The following CHMP5 variants were observed in gnomAD, a reference collection of about 807,000 sequenced individuals.
CHMP5 encodes charged multivesicular body protein 5, also known as SNF7 domain containing 2.
Under a neutral mutation model 33.0 loss-of-function variants are expected in CHMP5, and 17 were observed. That is an observed-to-expected ratio of 0.52 (90% CI 0.35 to 0.77). The LOEUF (loss-of-function observed/expected upper bound fraction) is 0.77. Among genes scored for constraint, CHMP5 ranks in the 30% least tolerant of loss-of-function variants. The pLI is 0.01. For missense variants in CHMP5, 216 were observed against 261.5 expected (o/e 0.83, Z 1.20); for synonymous variants, 76 against 90.2 (o/e 0.84, Z 0.89).
At chr9:33,280,197 G>C (rs867320982) in intron 7 of CHMP5, among the ~76,000 whole-genome samples, 1 of 152,000 alleles carries the variant, frequency 6.6e-6, no homozygotes, top group African/African-American at 2.4e-5. Context: ...GGCTGGCCTC[G>C]AACTCCTGAC....
chr9:33,267,723 C>T, intron 2 of CHMP5, 130 bp from the exon 3 acceptor site: 1 of 647,988 alleles, frequency 1.5e-6, no homozygotes, highest in East Asian at 2.8e-5. Context: ...AGTACAGAAT[C>T]CAGGAGCCAT....
chr9:33,272,671 G>C (rs930458894), intron 5 of CHMP5, among the ~76,000 whole-genome samples: 36 of 152,098 alleles, frequency 2.4e-4, no homozygotes, highest in Non-Finnish European at 5.9e-5. Context: ...GAGCATGGTG[G>C]TGTGTGCCTG....
chr9:33,276,971 G>A (rs1217092357), intron 6 of CHMP5, among the ~76,000 whole-genome samples: 1 of 152,040 alleles, frequency 6.6e-6, no homozygotes, highest in Non-Finnish European at 1.5e-5. Context: ...AAGGTAGGCG[G>A]ATCCACTCAA....
chr9:33,278,088 T>A (rs750645972), intron 6 of CHMP5, 25 bp from the exon 7 acceptor site: 12 of 1,464,324 alleles, frequency 8.2e-6, no homozygotes, highest in African/African-American at 2.8e-5. Flanking sequence ...ACATTTTTTT[T>A]AAATGTTGAC....
intron 2 of CHMP5, 43 bp from the exon 3 acceptor site, chr9:33,267,810 G>C: frequency 7.3e-7 from 1 of 1,369,870 alleles, no homozygotes; most frequent in Non-Finnish European, 1.0e-6. Flanking sequence ...TACCGTATAT[G>C]TGTTTTCCAC....
At chr9:33,267,991 C>A in intron 3 of CHMP5, 92 bp downstream of exon 3, 1 of 859,324 alleles carries the variant, frequency 1.2e-6, no homozygotes, top group Non-Finnish European at 1.9e-6. Flanking sequence ...ATTTTCTAAG[C>A]ACTCTTGATT....
At position 33,265,224 on chromosome 9, in the gene CHMP5, A is replaced by G. The variant is rs1247508639; in HGVS notation, c.69+77A>G. On this transcript the variant is annotated intron_variant, in intron 1 of 7. Coordinates refer to ENST00000223500, the MANE Select transcript of CHMP5 (RefSeq NM_016410.6). ...CCCGCCCACCCCCAGCCCCGGGCCC[A>G]TATTCTTCCACTTCATTTCGGGTCC... The G allele has an allele frequency of 7.8e-6, 9 of 1,155,578 alleles. No homozygotes were observed. The African/African-American group carries it at 1.3e-4, about 17-fold the overall frequency. The allele number at this position is 1,155,578 out of a possible 1,614,324, so 71.6% of individuals were successfully genotyped here. A position where few individuals can be genotyped will look rare whatever the true frequency, so the allele number is the denominator to read the frequency against.
At chr9:33,275,613 G>A (rs1185128399) in intron 5 of CHMP5, among the ~76,000 whole-genome samples, 1 of 152,192 alleles carries the variant, frequency 6.6e-6, no homozygotes, top group African/African-American at 2.4e-5. Flanking sequence ...TTTAGATCAA[G>A]ATAATTGCTT....
intron 7 of CHMP5, among the ~76,000 whole-genome samples, chr9:33,280,142 A>C (rs890063206): frequency 1.6e-4 from 24 of 151,960 alleles, no homozygotes; most frequent in African/African-American, 5.3e-4. Flanking sequence ...ACACCTGGCT[A>C]ATTTTTTTGT....
chr9:33,276,586 G>T (rs1681949380), intron 6 of CHMP5, 22 bp downstream of exon 6: 1 of 1,367,844 alleles, frequency 7.3e-7, no homozygotes, highest in African/African-American at 1.4e-5. Flanking sequence ...GAAAAGTAAT[G>T]TATATTTAGT....
chr9:33,275,557 G>C (rs1361032698), intron 5 of CHMP5, among the ~76,000 whole-genome samples: 2 of 152,168 alleles, frequency 1.3e-5, no homozygotes, highest in Non-Finnish European at 2.9e-5. Context: ...TAATTTGCTT[G>C]TCTCAGTAAC....
chr9:33,269,803 G>A (rs831272), intron 3 of CHMP5, among the ~76,000 whole-genome samples: 109,872 of 151,920 alleles, frequency 0.72, 40,223 homozygotes, highest in Non-Finnish European at 0.77. Context: ...GGAAGAACCC[G>A]TCTCTACTAA....
intron 2 of CHMP5, 64 bp downstream of exon 2, chr9:33,266,178 T>C (rs1168106136): frequency 2.7e-6 from 3 of 1,103,756 alleles, no homozygotes; most frequent in Non-Finnish European, 4.1e-6. Context: ...CCTATAGAAA[T>C]AGGGCCTAGT....
chr9:33,270,042 T>C (rs963049145), intron 3 of CHMP5, among the ~76,000 whole-genome samples: 2 of 152,320 alleles, frequency 1.3e-5, no homozygotes, highest in South Asian at 4.1e-4. Context: ...AATAGTGTTA[T>C]AACTAAAATA....
At chr9:33,278,447 A>G (rs1487975614) in intron 7 of CHMP5, among the ~76,000 whole-genome samples, 1 of 152,204 alleles carries the variant, frequency 6.6e-6, no homozygotes, top group Non-Finnish European at 1.5e-5. Flanking sequence ...TAGAATGACA[A>G]TTTGTGTAAC....
At position 33,265,068 on chromosome 9, in the gene CHMP5, G is replaced by A; in HGVS notation, c.-11G>A. On this transcript the variant is annotated 5_prime_UTR_variant, in exon 1 of 8. Transcript: ENST00000223500. Reference sequence around the variant, plus strand: ...TGCTCTAGTGTTTGGGTTTCTTCGCGGCTGCTCAAGATGAACCGACTCTTC... The same window carrying A: ...TGCTCTAGTGTTTGGGTTTCTTCGCAGCTGCTCAAGATGAACCGACTCTTC... The A allele has an allele frequency of 6.2e-7, 1 of 1,614,144 alleles. No individual in the cohort carries two copies. The highest frequency in any genetic ancestry group is 1.6e-4 in the Middle Eastern group (1 of 6,062).
intron 7 of CHMP5, 62 bp from the exon 8 acceptor site, chr9:33,280,747 A>G: frequency 7.1e-7 from 1 of 1,406,368 alleles, no homozygotes; most frequent in Non-Finnish European, 9.9e-7. Flanking sequence ...AAATGTTTGT[A>G]ATCCTTTTTT....
intron 2 of CHMP5, among the ~76,000 whole-genome samples, chr9:33,266,728 G>C (rs1820731954): frequency 6.6e-6 from 1 of 152,200 alleles, no homozygotes; most frequent in South Asian, 2.1e-4. Flanking sequence ...CTGTGCTCAA[G>C]ATCAATGACT....
chr9:33,278,370 G>A (rs529088783), intron 7 of CHMP5, 145 bp downstream of exon 7: 10 of 579,542 alleles, frequency 1.7e-5, no homozygotes, highest in African/African-American at 3.7e-5. Flanking sequence ...TTGAAGGTCC[G>A]GTTTTTCTGC....
Sources: gnomAD v4.1 joint callset for allele counts (sites outside exome capture counted in the v4.1 genomes callset) on GRCh38, gnomAD v4.1.1 for gene constraint, MANE v1.5 for transcripts, NCBI Gene and HGNC (gene_info 2026-07-23, HGNC 2026-07-21) for gene names.